The following WDR41 variants were observed in gnomAD, a reference collection of about 807,000 sequenced individuals.
WDR41 encodes the protein WD repeat domain 41, also known as WD repeat-containing protein 41.
Under a neutral mutation model 69.3 loss-of-function variants are expected in WDR41, and 63 were observed. The ratio of observed to expected loss-of-function variants is 0.91; its 90% CI spans 0.74 to 1.12. The LOEUF (loss-of-function observed/expected upper bound fraction) is 1.12, where lower values mean the gene tolerates loss of function less well. WDR41 is among the 50% of genes most tolerant of loss of function. The pLI is 0.00. For missense variants in WDR41, 543 were observed against 534.5 expected, an observed-to-expected ratio of 1.02 and a Z score of -0.16; for synonymous variants, 185 against 192.1, an observed-to-expected ratio of 0.96 and a Z score of 0.31.
chr5:77,472,480 A>C (rs1800671041), intron 2 of WDR41, among the ~76,000 whole-genome samples: 1 of 151,528 alleles, frequency 6.6e-6, no homozygotes, highest in African/African-American at 2.4e-5. Flanking sequence ...GAGGAAGTCA[A>C]ATTGTCCCTG....
chr5:77,590,428 G>C (rs1744116204), intron 1 of WDR41, among the ~76,000 whole-genome samples: 1 of 152,162 alleles, frequency 6.6e-6, no homozygotes, highest in South Asian at 2.1e-4. Flanking sequence ...CTTGCCCCAA[G>C]GGACCACACA....
At chr5:77,605,866 C>T (rs1472697428) in intron 1 of WDR41, among the ~76,000 whole-genome samples, 1 of 151,388 alleles carries the variant, frequency 6.6e-6, no homozygotes, top group Non-Finnish European at 1.5e-5. Context: ...ATACCTATAC[C>T]TTTATACCTA....
chr5:77,600,539 T>A (rs1247765970), intron 1 of WDR41, among the ~76,000 whole-genome samples: 1 of 152,160 alleles, frequency 6.6e-6, no homozygotes, highest in East Asian at 1.9e-4. Flanking sequence ...TGTACATTTG[T>A]CAAAACTCAG....
In WDR41 at chr5:77,492,303, G is replaced by A. The variant is rs1350532919; in HGVS notation, c.-83C>T. 6 of 1,569,962 alleles carry A rather than the reference G, an allele frequency of 3.8e-6. No homozygotes were observed. The highest frequency in any genetic ancestry group is 1.7e-5 in the Admixed American group (1 of 57,532). ...GGCTCGGCCTCCTCCTTCCTCCCCG[G>A]CTGCAGCGCAACTGAGACGCTAATA... On this transcript the variant is annotated 5_prime_UTR_variant, in exon 1 of 13. Coordinates refer to ENST00000296679, the MANE Select transcript of WDR41 (RefSeq NM_018268.4).
chr5:77,470,446 A>C (rs1033208799), intron 2 of WDR41, among the ~76,000 whole-genome samples: 34 of 152,312 alleles, frequency 2.2e-4, no homozygotes, highest in African/African-American at 7.7e-4. Flanking sequence ...CTTAAATGTA[A>C]ATGGGCTAAA....
chr5:77,572,029 C>G (rs934713529), intron 1 of WDR41, among the ~76,000 whole-genome samples: 3 of 152,018 alleles, frequency 2.0e-5, no homozygotes, highest in Admixed American at 2.0e-4. Flanking sequence ...TTTCTCTAGG[C>G]TTAGTGGGTT....
chr5:77,500,184 G>A (rs546770738), intron 1 of WDR41, among the ~76,000 whole-genome samples: 1 of 152,226 alleles, frequency 6.6e-6, no homozygotes, highest in Non-Finnish European at 1.5e-5. Flanking sequence ...TGCTGGCATG[G>A]CAATTATAAA....
chr5:77,436,268 G>A lies in WDR41; in HGVS notation c.1220C>T (p.Ser407Phe). 6.2e-7 allele frequency: 1 copy of A among 1,613,762 alleles called. No individual in the cohort carries two copies. The highest frequency in any genetic ancestry group is 8.5e-7 in the Non-Finnish European group (1 of 1,179,764). ...LIGDLIGHSS[S>F]VEMFLYFEDH... The stretch of plus-strand genomic sequence containing the variant: ...GTGGCTAAACAGCAATACCTCCACA[G>A]ATGATGAGTGTCCAATCAAATCTCC... The change falls in exon 12 of 13, where the codon TCT becomes TTT. Residue 407 changes from serine (S) to phenylalanine (F), a missense_variant. Transcript: ENST00000296679.
At chr5:77,520,288 T>C (rs1802353645) in intron 1 of WDR41, among the ~76,000 whole-genome samples, 1 of 152,162 alleles carries the variant, frequency 6.6e-6, no homozygotes, top group African/African-American at 2.4e-5. Flanking sequence ...TATTCTAAAG[T>C]CCAAATGATT....
chr5:77,454,896 G>C (rs1238938882), intron 5 of WDR41, among the ~76,000 whole-genome samples: 1 of 152,102 alleles, frequency 6.6e-6, no homozygotes, highest in Non-Finnish European at 1.5e-5. Context: ...TATACATTGT[G>C]TTTATTCATC....
At chr5:77,433,436 A>T in intron 12 of WDR41, 149 bp from the exon 13 acceptor site, 1 of 532,556 alleles carries the variant, frequency 1.9e-6, no homozygotes, top group Non-Finnish European at 3.1e-6. Context: ...AGTATTGGTA[A>T]GTCACATACA....
Position 77,447,358 on chromosome 5 carries a change from G to A in WDR41, c.697+2402C>T, listed in dbSNP as rs76358076. 3.5e-3 allele frequency among the ~76,000 whole-genome samples: 539 copies of A among 152,284 alleles called. 3 individuals are homozygous for A. Among genetic ancestry groups the A allele is most frequent in the African/African-American group, 0.012 (499 of 41,574 alleles). On this transcript the variant is annotated intron_variant, in intron 8 of 12. Coordinates refer to ENST00000296679, the MANE Select transcript of WDR41 (RefSeq NM_018268.4). ...CAACCATTGTGGAAGACAGTATGGC[G>A]ATTCCTCAAGGATCTAGAACCAGAA... is the stretch of plus-strand genomic sequence containing the variant.
chr5:77,564,738 C>G (rs1012886028), intron 1 of WDR41, among the ~76,000 whole-genome samples: 7 of 152,126 alleles, frequency 4.6e-5, no homozygotes, highest in Non-Finnish European at 1.0e-4. Context: ...ATCCTTATCT[C>G]CAGTCCTGAC....
At chr5:77,530,549 C>A (rs928758330) in intron 1 of WDR41, among the ~76,000 whole-genome samples, 1 of 151,620 alleles carries the variant, frequency 6.6e-6, no homozygotes, top group African/African-American at 2.4e-5. Flanking sequence ...ATATGAAGTT[C>A]TAGAATAGGC....
intron 1 of WDR41, among the ~76,000 whole-genome samples, chr5:77,519,727 G>A (rs1259622785): frequency 6.6e-6 from 1 of 151,250 alleles, no homozygotes; most frequent in Non-Finnish European, 1.5e-5. Context: ...TATGTTAAAT[G>A]TGAAGTCCAT....
chr5:77,616,969 A>G (rs931687923), intron 1 of WDR41, among the ~76,000 whole-genome samples: 3 of 152,216 alleles, frequency 2.0e-5, no homozygotes, highest in African/African-American at 7.2e-5. Context: ...TCCTACTTAC[A>G]TGCATTTCTT....
At chr5:77,567,801 T>C (rs1431579768) in intron 1 of WDR41, among the ~76,000 whole-genome samples, 3 of 152,036 alleles carry the variant, frequency 2.0e-5, no homozygotes, top group Non-Finnish European at 4.4e-5. Context: ...AGTATATGCA[T>C]TTTAATAAGT....
At chr5:77,556,392 G>A (rs775040636) in intron 1 of WDR41, among the ~76,000 whole-genome samples, 4 of 151,910 alleles carry the variant, frequency 2.6e-5, no homozygotes, top group African/African-American at 9.7e-5. Flanking sequence ...GGCGTGAGCC[G>A]TTGCACCCGA....
chr5:77,441,877 GA>G (rs35061647), intron 8 of WDR41, among the ~76,000 whole-genome samples: 1 of 150,578 alleles, frequency 6.6e-6, no homozygotes, highest in African/African-American at 2.4e-5. Flanking sequence ...AAATACAGCA[GA>G]AAAAAAAATG....
Sources: allele counts gnomAD v4.1 joint callset (sites outside exome capture counted in the v4.1 genomes callset), GRCh38; gene constraint gnomAD v4.1.1; transcripts MANE v1.5; gene names NCBI Gene and HGNC (gene_info 2026-07-23, HGNC 2026-07-21).